The following DYSF variants were observed in gnomAD, a reference collection of about 807,000 sequenced individuals.
The protein encoded by DYSF is dysferlin.
Under a neutral mutation model 274.9 loss-of-function variants are expected in DYSF, and 212 were observed. The observed-to-expected ratio is 0.77, with a 90% CI of 0.69 to 0.86. The LOEUF (loss-of-function observed/expected upper bound fraction) is 0.86. Ranked by LOEUF, DYSF falls within the 40% of genes least tolerant of loss-of-function variation. The pLI is 0.00. For missense variants in DYSF, 2,666 were observed against 2,783.2 expected, an observed-to-expected ratio of 0.96 and a Z score of 0.95; for synonymous variants, 1,091 against 1,078.7, an observed-to-expected ratio of 1.01 and a Z score of -0.22.
intron 24 of DYSF, among the ~76,000 whole-genome samples, chr2:71,565,947 C>G (rs780901433): frequency 6.6e-6 from 1 of 152,242 alleles, no homozygotes; most frequent in Non-Finnish European, 1.5e-5. Context: ...GAGGCCAACT[C>G]AAGGCCAGGG....
chr2:71,545,681 C>A (rs2090412871), intron 17 of DYSF, among the ~76,000 whole-genome samples: 2 of 152,144 alleles, frequency 1.3e-5, no homozygotes, highest in Non-Finnish European at 2.9e-5. Flanking sequence ...TGGGGGCACA[C>A]TGTGGCATTT....
intron 32 of DYSF, among the ~76,000 whole-genome samples, chr2:71,597,571 G>A (rs943899501): frequency 2.0e-5 from 3 of 152,202 alleles, no homozygotes; most frequent in African/African-American, 7.2e-5. Context: ...CCAGCAGCCT[G>A]AATGAACCTT....
At chr2:71,458,968 C>T (rs1347925779) in intron 1 of DYSF, among the ~76,000 whole-genome samples, 2 of 152,186 alleles carry the variant, frequency 1.3e-5, no homozygotes, top group African/African-American at 2.4e-5. Flanking sequence ...CCCTGACAGG[C>T]CCTAATCATG....
Position 71,672,831 on chromosome 2 carries a change from G to T in DYSF, c.5785-1366G>T, listed in dbSNP as rs73942369. 2.3e-3 allele frequency among the ~76,000 whole-genome samples: 345 copies of T among 152,338 alleles called. 2 individuals are homozygous for T. The highest frequency in any genetic ancestry group is 7.4e-3 in the African/African-American group (308 of 41,572). On this transcript the variant is annotated intron_variant, in intron 51 of 55. Transcript: ENST00000410020. The stretch of plus-strand genomic sequence containing the variant: ...GCAGAAGGGCTGGGGCCCGGAAAAG[G>T]GGGGAGGCACCAGACAGAGGGCTGG...
At chr2:71,516,092 G>GT in intron 8 of DYSF, 88 bp from the exon 9 acceptor site, 1 of 1,306,220 alleles carries the variant, frequency 7.7e-7, no homozygotes, top group Non-Finnish European at 1.1e-6. Context: ...ACTGCTAGGC[G>GT]TGGAGGCTTG....
chr2:71,470,725 C>CTTCT (rs201233934), intron 1 of DYSF, among the ~76,000 whole-genome samples: 2,855 of 127,442 alleles, frequency 0.022, 85 homozygotes, highest in African/African-American at 0.064. Flanking sequence ...TCCTTCTTTC[C>CTTCT]TTCCTTCCTT....
intron 41 of DYSF, among the ~76,000 whole-genome samples, chr2:71,641,550 A>G (rs372891475): frequency 9.5e-4 from 145 of 151,942 alleles, no homozygotes; most frequent in Non-Finnish European, 1.5e-3. Flanking sequence ...TCTATTTACA[A>G]TTTTCTTTGG....
chr2:71,528,875 G>T lies in DYSF; in HGVS notation c.1380+474G>T, dbSNP rs916911349. On this transcript the variant is annotated intron_variant, in intron 14 of 55. Coordinates refer to ENST00000410020, the MANE Select transcript of DYSF (RefSeq NM_001130987.2). ...AGCCCACCTTCCTGCCCTGAGGCGGGACTGTGGCTCCAGTCCCTGCTGACT... is the reference window on the plus strand; with the variant it reads ...AGCCCACCTTCCTGCCCTGAGGCGGTACTGTGGCTCCAGTCCCTGCTGACT... Among the ~76,000 whole-genome samples the T allele has an allele frequency of 3.3e-5, 5 of 152,140 alleles. 1 individual carries two copies. In the South Asian group the frequency reaches 8.3e-4, roughly 25 times the overall value.
intron 31 of DYSF, among the ~76,000 whole-genome samples, chr2:71,589,966 C>T (rs560678239): frequency 3.3e-5 from 5 of 152,178 alleles, no homozygotes; most frequent in Non-Finnish European, 7.4e-5. Context: ...GCCTCCCCTC[C>T]TCCCCTCTTC....
chr2:71,475,593 T>C (rs1267675180), intron 1 of DYSF, among the ~76,000 whole-genome samples: 3 of 151,940 alleles, frequency 2.0e-5, no homozygotes, highest in Admixed American at 2.0e-4. Context: ...AGGAGTTCAC[T>C]AGATCCATCA....
intron 23 of DYSF, among the ~76,000 whole-genome samples, chr2:71,562,156 C>T (rs2091819345): frequency 6.6e-6 from 1 of 152,120 alleles, no homozygotes; most frequent in African/African-American, 2.4e-5. Context: ...GTTATGGGGC[C>T]CAGCACAGAG....
intron 4 of DYSF, among the ~76,000 whole-genome samples, chr2:71,505,370 A>G (rs1312196711): frequency 6.6e-6 from 1 of 152,238 alleles, no homozygotes; most frequent in Non-Finnish European, 1.5e-5. Context: ...CCCAATCAGC[A>G]GAGCATGCCA....
intron 9 of DYSF, among the ~76,000 whole-genome samples, chr2:71,516,572 G>C (rs149684115): frequency 2.0e-5 from 3 of 152,338 alleles, no homozygotes; most frequent in Non-Finnish European, 4.4e-5. Flanking sequence ...TAAATCACTT[G>C]TGGCAATGAA....
At chr2:71,661,118 A>C (rs2094872788) in intron 45 of DYSF, among the ~76,000 whole-genome samples, 1 of 18,972 alleles carries the variant, frequency 5.3e-5, no homozygotes, top group African/African-American at 1.7e-4. Flanking sequence ...CCCTGTCTCA[A>C]AAAAAAAAAA....
rs139547022 is a variant in DYSF at position 71,558,873 on chromosome 2, T to C, written c.2216+2802T>C. On this transcript the variant is annotated intron_variant, in intron 22 of 55. Transcript: ENST00000410020. ...TTCGCTCAGCTCCACCTGAGGCCAC[T>C]GAGTGGCCCAGCACCTCAGCTAGAG... Among the ~76,000 whole-genome samples, 41 of 152,256 alleles carry C rather than the reference T, an allele frequency of 2.7e-4. No homozygotes were observed. In the East Asian group the frequency reaches 5.4e-3, roughly 20 times the overall value.
chr2:71,669,576 A>G (rs1241526414), intron 50 of DYSF, 29 bp from the exon 51 acceptor site: 2 of 1,613,914 alleles, frequency 1.2e-6, no homozygotes, highest in African/African-American at 2.7e-5. Context: ...TCTTAATGAG[A>G]ACTATTCTCT....
chr2:71,508,181 A>G (rs1184802600), intron 4 of DYSF, among the ~76,000 whole-genome samples: 1 of 152,210 alleles, frequency 6.6e-6, no homozygotes, highest in Admixed American at 6.5e-5. Context: ...AAAAGTTGCC[A>G]AGTATGGTAC....
intron 16 of DYSF, 93 bp downstream of exon 16, chr2:71,535,404 G>C (rs926262798): frequency 7.6e-7 from 1 of 1,309,318 alleles, no homozygotes; most frequent in African/African-American, 1.5e-5. Flanking sequence ...GGTAGTAAGA[G>C]TGTGAGGGAG....
chr2:71,540,786 G>A (rs2089860188), intron 17 of DYSF, among the ~76,000 whole-genome samples: 1 of 151,784 alleles, frequency 6.6e-6, no homozygotes, highest in African/African-American at 2.4e-5. Flanking sequence ...TAGGAGTTCT[G>A]TATATATATG....
Sources: gnomAD v4.1 joint callset for allele counts (sites outside exome capture counted in the v4.1 genomes callset) on GRCh38, gnomAD v4.1.1 for gene constraint, MANE v1.5 for transcripts, NCBI Gene and HGNC (gene_info 2026-07-23, HGNC 2026-07-21) for gene names.